FRMD4A: variants seen among roughly 807,000 people sequenced by gnomAD.
FRMD4A encodes FERM domain containing 4A.
FRMD4A carries 29 observed loss-of-function variants against 129.1 expected under a neutral mutation model. That is an observed-to-expected ratio of 0.22 (90% CI 0.17 to 0.31). FRMD4A has a LOEUF of 0.31. Among genes scored for constraint, FRMD4A ranks in the 10% least tolerant of loss-of-function variants. FRMD4A has a pLI of 1.00. For missense variants in FRMD4A, 1,272 were observed against 1,375.8 expected (o/e 0.92, Z 1.19); for synonymous variants, 634 against 571.6 (o/e 1.11, Z -1.56).
chr10:14,104,536 C>T (rs926948709), intron 2 of FRMD4A, among the ~76,000 whole-genome samples: 1 of 152,256 alleles, frequency 6.6e-6, no homozygotes, highest in Non-Finnish European at 1.5e-5. Flanking sequence ...CTATCTATGC[C>T]TTCCTGTCCC....
intron 3 of FRMD4A, among the ~76,000 whole-genome samples, chr10:13,856,337 G>T (rs2094214102): frequency 6.6e-6 from 1 of 151,650 alleles, no homozygotes; most frequent in Non-Finnish European, 1.5e-5. Context: ...GACATCTTAG[G>T]TTTGTCCATT....
intron 2 of FRMD4A, among the ~76,000 whole-genome samples, chr10:14,259,808 C>A (rs1322486783): frequency 1.3e-5 from 2 of 151,866 alleles, no homozygotes; most frequent in Non-Finnish European, 2.9e-5. Flanking sequence ...ATCATGGAAT[C>A]CTCTTTGCCA....
intron 12 of FRMD4A, among the ~76,000 whole-genome samples, chr10:13,709,683 G>A (rs10082442): frequency 1.3e-5 from 2 of 152,018 alleles, no homozygotes; most frequent in African/African-American, 4.8e-5. Flanking sequence ...TCCCTCAGCC[G>A]CTATCCTGCA....
intron 4 of FRMD4A, 89 bp from the exon 5 acceptor site, chr10:13,796,677 G>A (rs2093126036): frequency 2.9e-6 from 2 of 699,784 alleles, no homozygotes; most frequent in Middle Eastern, 2.5e-4. Context: ...AGAACGTGCT[G>A]GATCGTAGAT....
intron 2 of FRMD4A, among the ~76,000 whole-genome samples, chr10:13,993,854 A>T (rs527332123): frequency 1.8e-4 from 27 of 149,770 alleles, no homozygotes; most frequent in South Asian, 8.4e-4. Flanking sequence ...TTTTTTTTTA[A>T]AAAAATATAT....
intron 2 of FRMD4A, among the ~76,000 whole-genome samples, chr10:13,968,839 ATT>A (rs71388145): frequency 6.6e-6 from 1 of 151,440 alleles, no homozygotes; most frequent in African/African-American, 2.4e-5. Flanking sequence ...TGACTAACAG[ATT>A]TTTTTTTTGA....
chr10:13,936,564 C>T (rs1318558263), intron 2 of FRMD4A, among the ~76,000 whole-genome samples: 1 of 152,178 alleles, frequency 6.6e-6, no homozygotes, highest in East Asian at 1.9e-4. Context: ...TCCCTCACCC[C>T]TTCTGCCATG....
At chr10:14,176,915 A>G (rs1841749221) in intron 2 of FRMD4A, among the ~76,000 whole-genome samples, 1 of 152,130 alleles carries the variant, frequency 6.6e-6, no homozygotes. Flanking sequence ...CTCCCCGGTT[A>G]TTGGCCCTGA....
intron 14 of FRMD4A, among the ~76,000 whole-genome samples, chr10:13,700,059 A>G (rs564300309): frequency 1.3e-5 from 2 of 152,214 alleles, no homozygotes; most frequent in Admixed American, 1.3e-4. Context: ...CCCAATTTAA[A>G]ACTGAATTAT....
chr10:14,206,229 C>G (rs1048938695), intron 2 of FRMD4A, among the ~76,000 whole-genome samples: 1 of 152,184 alleles, frequency 6.6e-6, no homozygotes, highest in Non-Finnish European at 1.5e-5. Flanking sequence ...ATAACCCTCT[C>G]AACACAAGGC....
intron 2 of FRMD4A, among the ~76,000 whole-genome samples, chr10:13,930,330 G>A (rs1215484349): frequency 6.6e-6 from 1 of 152,156 alleles, no homozygotes; most frequent in Non-Finnish European, 1.5e-5. Context: ...TAATAAAGAG[G>A]TGACGAGTGA....
At chr10:14,130,957 A>G (rs1839215867) in intron 2 of FRMD4A, among the ~76,000 whole-genome samples, 2 of 152,188 alleles carry the variant, frequency 1.3e-5, no homozygotes, top group South Asian at 4.1e-4. Context: ...GTCTGAGTTT[A>G]ATGCACCATG....
At chr10:13,947,608 G>GCGCA (rs1554982768) in intron 2 of FRMD4A, among the ~76,000 whole-genome samples, 22 of 148,558 alleles carry the variant, frequency 1.5e-4, no homozygotes, top group African/African-American at 5.4e-4. Flanking sequence ...ACACACACGT[G>GCGCA]CACACACACA....
At chr10:13,658,313 A>T (rs902927240) in intron 21 of FRMD4A, among the ~76,000 whole-genome samples, 1 of 152,176 alleles carries the variant, frequency 6.6e-6, no homozygotes, top group Non-Finnish European at 1.5e-5. Flanking sequence ...TTGGTGGCAA[A>T]TGAGATAATT....
chr10:13,650,854 G>A (rs980582591), intron 24 of FRMD4A, among the ~76,000 whole-genome samples: 1 of 152,080 alleles, frequency 6.6e-6, no homozygotes, highest in Admixed American at 6.6e-5. Flanking sequence ...CTCCTCCCAC[G>A]GCAGGCTTCT....
intron 22 of FRMD4A, 190 bp from the exon 23 acceptor site, chr10:13,654,702 G>GC (rs548615769): frequency 2.5e-4 from 145 of 590,240 alleles, no homozygotes; most frequent in African/African-American, 1.2e-3. Flanking sequence ...ATCTCTACAT[G>GC]CCCCCCCAAC....
At chr10:13,743,382 C>T (rs1541015) in intron 9 of FRMD4A, among the ~76,000 whole-genome samples, 144,954 of 152,204 alleles carry the variant, frequency 0.95, 69,054 homozygotes, top group East Asian at 1. Flanking sequence ...TACCACGTGA[C>T]ATGGGGTTTT....
At chr10:13,715,905 CAA>C (rs61600242) in intron 12 of FRMD4A, among the ~76,000 whole-genome samples, 69,759 of 125,304 alleles carry the variant, frequency 0.56, 18,813 homozygotes, top group East Asian at 0.71. Flanking sequence ...ACTCCCCCCT[CAA>C]AAAAAAAAAA....
intron 2 of FRMD4A, among the ~76,000 whole-genome samples, chr10:14,000,646 C>CAA (rs11377448): frequency 0.042 from 1,822 of 43,384 alleles, 120 homozygotes; most frequent in African/African-American, 0.077. Flanking sequence ...GACGCCACCT[C>CAA]AAAAAAAAAA....
Sources: allele counts gnomAD v4.1 joint callset (sites outside exome capture counted in the v4.1 genomes callset), GRCh38; gene constraint gnomAD v4.1.1; transcripts MANE v1.5; gene names NCBI Gene and HGNC (gene_info 2026-07-23, HGNC 2026-07-21).